ZNF404: variants seen among roughly 807,000 people sequenced by gnomAD.
ZNF404 encodes the protein zinc finger protein 404.
In ZNF404, 7 loss-of-function variants were observed where a neutral mutation model predicts 7.3. That is an observed-to-expected ratio of 0.95 (90% CI 0.54 to 1.79). The LOEUF (loss-of-function observed/expected upper bound fraction) is 1.79, where lower values mean the gene tolerates loss of function less well. ZNF404 is among the 40% of genes most tolerant of loss of function. ZNF404 has a pLI of 0.00. For synonymous variants in ZNF404, 191 were observed against 209.9 expected, an observed-to-expected ratio of 0.91 and a Z score of 0.78; for missense variants, 560 against 661.5, an observed-to-expected ratio of 0.85 and a Z score of 1.68.
At chr19:43,878,746 C>G (rs986784697) in intron 2 of ZNF404, among the ~76,000 whole-genome samples, 1 of 152,086 alleles carries the variant, frequency 6.6e-6, no homozygotes, top group Non-Finnish European at 1.5e-5. Context: ...TACTTTTCCC[C>G]TGAAAAAACT....
intron 2 of ZNF404, among the ~76,000 whole-genome samples, chr19:43,874,893 A>G (rs1482240188): frequency 1.3e-5 from 2 of 152,208 alleles, no homozygotes; most frequent in Admixed American, 6.5e-5. Flanking sequence ...GGTAAGTATT[A>G]CATAATTCAT....
chr19:43,873,529 G>T lies in ZNF404; in HGVS notation c.685C>A (p.His229Asn), dbSNP rs758565954. Reference sequence around the variant, plus strand: ...TGAATTTTCTGATGTTCTGTAAGGTGAGAATGACGTCTAAAAGCCTTCCCG... The same window carrying T: ...TGAATTTTCTGATGTTCTGTAAGGTTAGAATGACGTCTAAAAGCCTTCCCG... ...QCGKAFRRHS[H>N]LTEHQKIHVG... The change falls in exon 3 of 3, where the codon CAC (histidine) becomes AAC (asparagine). Residue 229 changes from histidine (H) to asparagine (N), a missense_variant. Coordinates refer to ENST00000587539, the MANE Select transcript of ZNF404 (RefSeq NM_001033719.3). 6.2e-7 allele frequency: 1 copy of T among 1,613,458 alleles called. No homozygotes were observed. Among genetic ancestry groups the T allele is most frequent in the African/African-American group, 1.3e-5 (1 of 74,996 alleles).
intron 2 of ZNF404, among the ~76,000 whole-genome samples, chr19:43,874,302 A>AGTCACTAG (rs1971836752): frequency 1.3e-5 from 2 of 152,128 alleles, no homozygotes; most frequent in Non-Finnish European, 2.9e-5. Context: ...GCAAAGACAA[A>AGTCACTAG]GTCACTAGTT....
Position 43,872,552 on chromosome 19 carries a change from TCATTA to T in ZNF404, c.1657_*2del, listed in dbSNP as rs1971818193. On this transcript the variant is annotated stop_lost and 3_prime_UTR_variant, in exon 3 of 3. Transcript: ENST00000587539. This position sits in a 1 kb window ranked among gnomAD's most constrained non-coding sequence, Gnocchi z 4.4. The stretch of plus-strand genomic sequence containing the variant: ...GTGCCATGGCTAAAGGCTTTCCCTC[TCATTA>T]CATTAAGAGTCTCTCACCATGGTGA... 6.3e-7 allele frequency: 1 copy of T among 1,581,624 alleles called. No individual in the cohort carries two copies. The highest frequency in any genetic ancestry group is 1.4e-5 in the African/African-American group (1 of 73,912).
At chr19:43,877,818 CTG>C (rs1317763854) in intron 2 of ZNF404, among the ~76,000 whole-genome samples, 1 of 149,192 alleles carries the variant, frequency 6.7e-6, no homozygotes, top group Non-Finnish European at 1.5e-5. Flanking sequence ...CCACCTATGA[CTG>C]AGAATATGCG....
chr19:43,876,135 C>A (rs1412477333), intron 2 of ZNF404, among the ~76,000 whole-genome samples: 2 of 151,960 alleles, frequency 1.3e-5, no homozygotes, highest in Non-Finnish European at 2.9e-5. Flanking sequence ...ACCAACCTGG[C>A]CAACAATAGG....
chr19:43,883,004 G>A (rs1368489394), intron 1 of ZNF404, among the ~76,000 whole-genome samples: 1 of 151,812 alleles, frequency 6.6e-6, no homozygotes. Flanking sequence ...GGGAGGCTGA[G>A]GCAGGAGAAT....
rs1196449776 is a variant in ZNF404 at position 43,873,570 on chromosome 19, T to G, written c.644A>C (p.Tyr215Ser). 2 of 1,613,652 alleles carry G rather than the reference T, an allele frequency of 1.2e-6. No individual in the cohort carries two copies. The highest frequency in any genetic ancestry group is 2.2e-5 in the South Asian group (2 of 91,070). Residue 215 changes from tyrosine (Y) to serine (S), a missense_variant, in exon 3 of 3, where the codon TAT (tyrosine) becomes TCT (serine). Tyr to Ser is a moderately radical substitution (Grantham distance 144). Coordinates refer to ENST00000587539, the MANE Select transcript of ZNF404 (RefSeq NM_001033719.3). ...AGCCTTCCCGCATTGCTTACATTCATAGGGTTTCATACCAGTATGAATTAT... is the reference window on the plus strand; with the variant it reads ...AGCCTTCCCGCATTGCTTACATTCAGAGGGTTTCATACCAGTATGAATTAT... The part of the protein sequence containing the change: ...HQIIHTGMKP[Y>S]ECKQCGKAFR...
At chr19:43,882,956 C>T (rs538986461) in intron 1 of ZNF404, among the ~76,000 whole-genome samples, 4 of 151,988 alleles carry the variant, frequency 2.6e-5, no homozygotes, top group Admixed American at 2.6e-4. Context: ...CAAAAATTTG[C>T]TGGGCATGGT....
intron 2 of ZNF404, among the ~76,000 whole-genome samples, chr19:43,875,991 A>C (rs1409860862): frequency 6.6e-6 from 1 of 152,214 alleles, no homozygotes; most frequent in Non-Finnish European, 1.5e-5. Context: ...ATTAAAAATA[A>C]AAGAATTAAA....
At chr19:43,875,811 A>G (rs1416276820) in intron 2 of ZNF404, among the ~76,000 whole-genome samples, 2 of 152,198 alleles carry the variant, frequency 1.3e-5, no homozygotes, top group Non-Finnish European at 2.9e-5. Flanking sequence ...AACACTTCCT[A>G]TTTATAAACA....
At chr19:43,877,578 A>G (rs1971858664) in intron 2 of ZNF404, among the ~76,000 whole-genome samples, 1 of 151,766 alleles carries the variant, frequency 6.6e-6, no homozygotes, top group South Asian at 2.1e-4. Flanking sequence ...TTATTTATTT[A>G]TTTATTTATT....
rs565545026 is a variant in ZNF404 at position 43,872,530 on chromosome 19, C to T, written c.*25G>A. On this transcript the variant is annotated 3_prime_UTR_variant, in exon 3 of 3. Transcript: ENST00000587539. This position sits in a 1 kb window ranked among gnomAD's most constrained non-coding sequence, Gnocchi z 4.4. ...TAATAGTGACAACAGTAAAAATGTG[C>T]CATGGCTAAAGGCTTTCCCTCTCAT... is the stretch of plus-strand genomic sequence containing the variant. 6.6e-7 allele frequency: 1 copy of T among 1,526,428 alleles called. No homozygotes were observed. The highest frequency in any genetic ancestry group is 8.8e-7 in the Non-Finnish European group (1 of 1,136,120). 94.6% of individuals were successfully genotyped at this position (1,526,428 alleles called of 1,614,324 possible). A position where few individuals can be genotyped will look rare whatever the true frequency, so the allele number is the denominator to read the frequency against.
In ZNF404 at chr19:43,872,637, T is replaced by C. The variant is rs200904232; in HGVS notation, c.1577A>G (p.Lys526Arg). Residue 526 changes from lysine to arginine, a missense_variant, in exon 3 of 3, where the codon AAA becomes AGA. By Grantham distance (26) the Lys-to-Arg change is conservative (BLOSUM62 2). Coordinates refer to ENST00000587539, the MANE Select transcript of ZNF404 (RefSeq NM_001033719.3). This position sits in a 1 kb window ranked among gnomAD's most constrained non-coding sequence, Gnocchi z 4.4. ...IHTGVKPQKC[K>R]ECGKAFSHCY... ...ATGACTAAAGGCCTTACCACATTCT[T>C]TGCATTTCTGTGGTTTCACACCAGT... is the stretch of plus-strand genomic sequence containing the variant. 8.2e-5 allele frequency: 132 copies of C among 1,612,642 alleles called. No individual in the cohort carries two copies. Among genetic ancestry groups the C allele is most frequent in the Non-Finnish European group, 1.0e-4 (119 of 1,179,328 alleles).
In ZNF404 at chr19:43,875,169, T is replaced by C. The variant is rs115790070; in HGVS notation, c.137-1092A>G. Among the ~76,000 whole-genome samples the C allele has an allele frequency of 8.8e-3, 1,335 of 152,322 alleles. 26 individuals are homozygous for C. The highest frequency in any genetic ancestry group is 0.031 in the African/African-American group (1,274 of 41,574). On this transcript the variant is annotated intron_variant, in intron 2 of 2. Transcript: ENST00000587539. Reference sequence around the variant, plus strand: ...GGCCATTCTGCAATAACCTGTCCCCTTAAAAATATACATGCCTCTACCACT... The same window carrying C: ...GGCCATTCTGCAATAACCTGTCCCCCTAAAAATATACATGCCTCTACCACT...
At chr19:43,878,411 C>T (rs1464845310) in intron 2 of ZNF404, among the ~76,000 whole-genome samples, 1 of 151,710 alleles carries the variant, frequency 6.6e-6, no homozygotes, top group African/African-American at 2.4e-5. Flanking sequence ...TGTCCTTCGC[C>T]CACTTTTTGA....
intron 1 of ZNF404, chr19:43,881,813 C>T (rs534088797): frequency 4.3e-4 from 66 of 152,086 alleles, no homozygotes; most frequent in African/African-American, 1.2e-3. Flanking sequence ...CAAAATTAGC[C>T]AGGTGTGGTA....
At chr19:43,878,681 A>G (rs1408232226) in intron 2 of ZNF404, among the ~76,000 whole-genome samples, 1 of 152,160 alleles carries the variant, frequency 6.6e-6, no homozygotes, top group Non-Finnish European at 1.5e-5. Flanking sequence ...TAGTTAGGGG[A>G]TAGTTCCTGT....
intron 1 of ZNF404, among the ~76,000 whole-genome samples, chr19:43,881,896 G>A (rs1971897375): frequency 6.8e-6 from 1 of 147,002 alleles, no homozygotes; most frequent in African/African-American, 2.6e-5. Context: ...GGTGGAGGTT[G>A]CAGTGAGCCA....
Sources: gnomAD v4.1 joint callset for allele counts (sites outside exome capture counted in the v4.1 genomes callset) on GRCh38, gnomAD v4.1.1 for gene constraint, Gnocchi (gnomAD v3.1) non-coding constraint, MANE v1.5 for transcripts, NCBI Gene and HGNC (gene_info 2026-07-23, HGNC 2026-07-21) for gene names.